Variants in STK3 observed in about 807,000 individuals in gnomAD.
STK3 encodes serine/threonine kinase 3.
Under a neutral mutation model 58.0 loss-of-function variants are expected in STK3, and 41 were observed. That is an observed-to-expected ratio of 0.71 (90% CI 0.55 to 0.92). The LOEUF (loss-of-function observed/expected upper bound fraction) is 0.92. Among genes scored for constraint, STK3 ranks in the 40% least tolerant of loss-of-function variants. The probability of loss-of-function intolerance (pLI) is 0.00; values close to 1 mark genes in which losing one functional copy is unlikely to be tolerated. For missense variants in STK3, 479 were observed against 602.7 expected (o/e 0.79, Z 2.15); for synonymous variants, 170 against 191.0 (o/e 0.89, Z 0.91).
chr8:98,712,669 C>T (rs1447151141), intron 4 of STK3, among the ~76,000 whole-genome samples: 1 of 151,948 alleles, frequency 6.6e-6, no homozygotes, highest in Non-Finnish European at 1.5e-5. Context: ...ACTTAGACTC[C>T]CACACAATAA....
intron 8 of STK3, among the ~76,000 whole-genome samples, chr8:98,567,675 T>C (rs1440663576): frequency 6.6e-6 from 1 of 152,196 alleles, no homozygotes; most frequent in African/African-American, 2.4e-5. Flanking sequence ...TTCTAATTTA[T>C]GGGCACTCAA....
intron 6 of STK3, among the ~76,000 whole-genome samples, chr8:98,620,870 A>G (rs1818240284): frequency 6.6e-6 from 1 of 151,676 alleles, no homozygotes; most frequent in Non-Finnish European, 1.5e-5. Context: ...ATGGTATTGC[A>G]TTTTTAACTT....
chr8:98,440,585 GTA>G (rs1818655483), intron 1 of STK3, among the ~76,000 whole-genome samples: 2 of 148,450 alleles, frequency 1.3e-5, no homozygotes, highest in Admixed American at 1.4e-4. Flanking sequence ...GTGTGTGTGT[GTA>G]CCATTAACCA....
At chr8:98,744,158 T>A (rs1037969460) in intron 4 of STK3, among the ~76,000 whole-genome samples, 1 of 152,192 alleles carries the variant, frequency 6.6e-6, no homozygotes, top group Non-Finnish European at 1.5e-5. Flanking sequence ...TCAACCATTG[T>A]GGAAGGCAGT....
chr8:98,369,124 A>C (rs1235868360), downstream of STK3, among the ~76,000 whole-genome samples: 1 of 152,204 alleles, frequency 6.6e-6, no homozygotes, highest in Non-Finnish European at 1.5e-5. Context: ...AGGATGTGAT[A>C]ATTGTGTGCC....
At chr8:98,921,783 C>T (rs932984422) in intron 1 of STK3, among the ~76,000 whole-genome samples, 1 of 152,184 alleles carries the variant, frequency 6.6e-6, no homozygotes, top group South Asian at 2.1e-4. Context: ...CCCCCACCTC[C>T]CGGGTTCAAG....
chr8:98,526,702 G>T, intron 10 of STK3, 40 bp downstream of exon 10: 2 of 1,454,464 alleles, frequency 1.4e-6, no homozygotes, highest in East Asian at 2.3e-5. Context: ...ATAAAATATA[G>T]AAGGAGAAAA....
chr8:98,814,204 T>C (rs1834399263), intron 1 of STK3, among the ~76,000 whole-genome samples: 2 of 151,992 alleles, frequency 1.3e-5, no homozygotes, highest in South Asian at 2.1e-4. Context: ...TCTGCCACCA[T>C]ACCTGGCTAA....
At chr8:98,699,693 G>A (rs544216575) in intron 6 of STK3, among the ~76,000 whole-genome samples, 9 of 152,294 alleles carry the variant, frequency 5.9e-5, no homozygotes, top group South Asian at 2.1e-4. Flanking sequence ...CATGAACCGC[G>A]AATGCTGCTG....
intron 3 of STK3, among the ~76,000 whole-genome samples, chr8:98,832,153 C>T (rs1835553675): frequency 6.6e-6 from 1 of 151,276 alleles, no homozygotes; most frequent in Non-Finnish European, 1.5e-5. Context: ...TAGCCTCTGT[C>T]AGAAACCGGA....
At chr8:98,430,558 A>G (rs1356277657) in intron 3 of STK3, 1 of 167,054 alleles carries the variant, frequency 6.0e-6, no homozygotes, top group Admixed American at 6.5e-5. Context: ...TTTTGCTTCT[A>G]GGATATAGTA....
At chr8:98,501,444 A>G (rs1279228988) in intron 10 of STK3, among the ~76,000 whole-genome samples, 1 of 152,074 alleles carries the variant, frequency 6.6e-6, no homozygotes, top group African/African-American at 2.4e-5. Flanking sequence ...TTTTGTTGCC[A>G]TTGCTTTTGG....
At chr8:98,701,203 AG>A (rs1825583643) in intron 6 of STK3, among the ~76,000 whole-genome samples, 2 of 139,284 alleles carry the variant, frequency 1.4e-5, no homozygotes, top group Non-Finnish European at 3.1e-5. Context: ...GGAGGGAGGG[AG>A]GGAAAAGAAA....
At chr8:98,475,085 C>T (rs140747898) in intron 10 of STK3, among the ~76,000 whole-genome samples, 7 of 152,260 alleles carry the variant, frequency 4.6e-5, no homozygotes, top group Non-Finnish European at 8.8e-5. Context: ...TAATTAAAGA[C>T]GTTACTGTGA....
At chr8:98,533,753 G>A (rs140339694) in intron 9 of STK3, among the ~76,000 whole-genome samples, 22 of 152,302 alleles carry the variant, frequency 1.4e-4, no homozygotes, top group Middle Eastern at 3.4e-3. Context: ...GCCTCCCAAA[G>A]TGCTGGCATC....
intron 1 of STK3, among the ~76,000 whole-genome samples, chr8:98,818,835 GTTTTT>G (rs1176636250): frequency 6.6e-6 from 1 of 151,684 alleles, no homozygotes; most frequent in Non-Finnish European, 1.5e-5. Context: ...TTTTTTTGTT[GTTTTT>G]TTGAGACGGA....
rs907878036 is a variant in STK3, at chr8:98,633,160, G to T, written c.685-36991C>A. On this transcript the variant is annotated intron_variant, in intron 6 of 10. Coordinates refer to ENST00000419617, the MANE Select transcript of STK3 (RefSeq NM_006281.4). ...GCCCAGAAGAAAAGTTCCCAAGATA[G>T]AATGTGTAGAAAAAAGATGGGAGAA... 1.1e-4 allele frequency among the ~76,000 whole-genome samples: 17 copies of T among 152,196 alleles called. 1 individual carries two copies. The South Asian group carries it at 1.9e-3, about 17-fold the overall frequency.
At chr8:98,923,828 CGTGTGT>C (rs55929161) in intron 1 of STK3, among the ~76,000 whole-genome samples, 47 of 144,374 alleles carry the variant, frequency 3.3e-4, no homozygotes, top group South Asian at 9.6e-4. Context: ...TTTGCAAAAA[CGTGTGT>C]GTGTGTGTGT....
chr8:98,554,201 AT>A (rs533723430), intron 8 of STK3, among the ~76,000 whole-genome samples: 13 of 152,132 alleles, frequency 8.5e-5, no homozygotes, highest in Non-Finnish European at 1.8e-4. Flanking sequence ...TTGCAAGAAC[AT>A]GTTTCATTTT....
Sources: gnomAD v4.1 joint callset for allele counts (sites outside exome capture counted in the v4.1 genomes callset) on GRCh38, gnomAD v4.1.1 for gene constraint, MANE v1.5 for transcripts, NCBI Gene and HGNC (gene_info 2026-07-23, HGNC 2026-07-21) for gene names.